Variants in MYH9 observed in about 807,000 individuals in gnomAD.
The protein encoded by MYH9 is myosin heavy chain 9, also known as myosin-9.
Under a neutral mutation model 241.9 loss-of-function variants are expected in MYH9, and 29 were observed. That is an observed-to-expected ratio of 0.12 (90% CI 0.09 to 0.16). The LOEUF is 0.16. Ranked by LOEUF, MYH9 falls within the 10% of genes least tolerant of loss-of-function variation. The probability of loss-of-function intolerance (pLI) is 1.00; values close to 1 mark genes in which losing one functional copy is unlikely to be tolerated. For missense variants in MYH9, 1,803 were observed against 2,595.5 expected (o/e 0.69, Z 6.63); for synonymous variants, 1,047 against 1,062.6 (o/e 0.99, Z 0.29).
At chr22:36,383,564 C>T (rs934256753) in intron 1 of MYH9, among the ~76,000 whole-genome samples, 1 of 152,038 alleles carries the variant, frequency 6.6e-6, no homozygotes, top group African/African-American at 2.4e-5. Flanking sequence ...GAAAGAACAC[C>T]GAGCTAGAAG....
At chr22:36,354,956 A>AACACACACACACAC (rs136203) in intron 1 of MYH9, among the ~76,000 whole-genome samples, 11,175 of 123,494 alleles carry the variant, frequency 0.09, 771 homozygotes, top group Middle Eastern at 0.11. Flanking sequence ...CAAAAAACAA[A>AACACACACACACAC]ACACACACAC....
At chr22:36,326,224 C>T (rs1286065160) in intron 5 of MYH9, among the ~76,000 whole-genome samples, 2 of 152,192 alleles carry the variant, frequency 1.3e-5, no homozygotes, top group Non-Finnish European at 2.9e-5. Flanking sequence ...AAGCCTCCAT[C>T]AACTTGAGGA....
intron 14 of MYH9, among the ~76,000 whole-genome samples, chr22:36,311,419 T>C (rs2017061870): frequency 6.6e-6 from 1 of 152,060 alleles, no homozygotes; most frequent in Non-Finnish European, 1.5e-5. Flanking sequence ...CATTTTGGGT[T>C]GTCACAACTA....
intron 3 of MYH9, among the ~76,000 whole-genome samples, chr22:36,328,685 G>T (rs942788011): frequency 1.3e-5 from 2 of 152,238 alleles, no homozygotes; most frequent in African/African-American, 4.8e-5. Context: ...CCAACGCGAC[G>T]TCGCCACGAT....
In MYH9 at chr22:36,285,862, C is replaced by T; in HGVS notation, c.5150+3G>A. Reference sequence around the variant, plus strand: ...CCCAACTCTGCCCCCTCACTCAGCTCACCCTTTGCCGCTGCTGTTGGCGAT... The same window carrying T: ...CCCAACTCTGCCCCCTCACTCAGCTTACCCTTTGCCGCTGCTGTTGGCGAT... On this transcript the variant is annotated splice_donor_region_variant and intron_variant, in intron 36 of 40. Coordinates refer to ENST00000216181, the MANE Select transcript of MYH9 (RefSeq NM_002473.6). This position sits in a 1 kb window ranked among gnomAD's most constrained non-coding sequence, Gnocchi z 7.0. The T allele has an allele frequency of 2.5e-6, 4 of 1,613,810 alleles. No homozygotes were observed. The South Asian group carries it at 4.4e-5, about 18-fold the overall frequency.
chr22:36,383,960 GA>G (rs113872567), intron 1 of MYH9, among the ~76,000 whole-genome samples: 9,978 of 115,004 alleles, frequency 0.087, 388 homozygotes, highest in East Asian at 0.12. Flanking sequence ...ACCCTGTCTC[GA>G]AAAAAAAAAA....
rs1569535485 is a variant in MYH9 at position 36,309,392 on chromosome 22, T to C, written c.1733A>G (p.Asp578Gly). Residue 578 changes from aspartate (D) to glycine (G), a missense_variant, in exon 15 of 41, where the codon GAT (aspartate) becomes GGT (glycine). Asp to Gly is a moderately conservative substitution (Grantham distance 94, BLOSUM62 -1). Transcript: ENST00000216181. ...CATCAGCCACTCGTCAGCTTTGTAA[T>C]CCACCTGGCGGGGTCAGAGAGGCAG... ...FCIIHYAGKV[D>G]YKADEWLMKN... The C allele has an allele frequency of 6.2e-7, 1 of 1,613,962 alleles. No homozygotes were observed. Among genetic ancestry groups the C allele is most frequent in the Non-Finnish European group, 8.5e-7 (1 of 1,179,834 alleles).
chr22:36,360,077 T>C (rs1000576153), intron 1 of MYH9, among the ~76,000 whole-genome samples: 2 of 41,830 alleles, frequency 4.8e-5, no homozygotes, highest in African/African-American at 6.8e-5. Flanking sequence ...CACCACCACC[T>C]AACATCAGAA....
At chr22:36,369,489 C>T (rs749150063) in intron 1 of MYH9, among the ~76,000 whole-genome samples, 1 of 152,212 alleles carries the variant, frequency 6.6e-6, no homozygotes, top group Non-Finnish European at 1.5e-5. Flanking sequence ...TACGAGGGGG[C>T]GGTATCCATT....
chr22:36,294,250 C>G lies in MYH9; in HGVS notation c.3679G>C (p.Gly1227Arg). ...KAKQTLENERGELANEVKVLL... is the reference protein window; with the variant it reads ...KAKQTLENERRELANEVKVLL... Reference sequence around the variant, plus strand: ...ACCTTCACCTCGTTGGCCAGCTCCCCCCGCTCGTTCTCCAGAGTCTGCTTT... The same window carrying G: ...ACCTTCACCTCGTTGGCCAGCTCCCGCCGCTCGTTCTCCAGAGTCTGCTTT... Residue 1227 changes from glycine to arginine, a missense_variant, in exon 28 of 41, where the codon GGG becomes CGG. Physicochemically the swap from Gly to Arg is moderately radical, Grantham distance 125. Coordinates refer to ENST00000216181, the MANE Select transcript of MYH9 (RefSeq NM_002473.6). 6.2e-7 allele frequency: 1 copy of G among 1,614,140 alleles called. No homozygotes were observed. Among genetic ancestry groups the G allele is most frequent in the Non-Finnish European group, 8.5e-7 (1 of 1,180,034 alleles).
intron 1 of MYH9, among the ~76,000 whole-genome samples, chr22:36,370,221 G>A (rs752873933): frequency 6.6e-5 from 10 of 152,166 alleles, no homozygotes; most frequent in Non-Finnish European, 1.3e-4. Flanking sequence ...CCAAGATTAG[G>A]GCAGATGGTC....
Position 36,293,968 on chromosome 22 carries a change from A to G in MYH9, c.3838-105T>C, listed in dbSNP as rs973877461. On this transcript the variant is annotated intron_variant, in intron 28 of 40. Coordinates refer to ENST00000216181, the MANE Select transcript of MYH9 (RefSeq NM_002473.6). This position sits in a 1 kb window ranked among gnomAD's most constrained non-coding sequence, Gnocchi z 5.1. ...CTGGACCTGAGTCACAAGCTGAACC[A>G]TGAGGGTCTGAGGAGCCAGTTTGAG... 4.1e-6 allele frequency: 6 copies of G among 1,467,610 alleles called. No individual in the cohort carries two copies. Among genetic ancestry groups the G allele is most frequent in the East Asian group, 2.4e-5 (1 of 42,522 alleles). The allele number at this position is 1,467,610 out of a possible 1,614,324, so 90.9% of individuals were successfully genotyped here.
At chr22:36,372,676 G>A (rs1046237749) in intron 1 of MYH9, among the ~76,000 whole-genome samples, 4 of 152,156 alleles carry the variant, frequency 2.6e-5, no homozygotes, top group African/African-American at 9.7e-5. Flanking sequence ...GGCTGGAGGG[G>A]AGGACGCAAG....
At chr22:36,291,359 T>C (rs1569534884) in intron 31 of MYH9, among the ~76,000 whole-genome samples, 3 of 152,232 alleles carry the variant, frequency 2.0e-5, no homozygotes, top group Admixed American at 6.5e-5. Context: ...CCTTGGGATC[T>C]TGTTGATCTG....
intron 1 of MYH9, among the ~76,000 whole-genome samples, chr22:36,359,460 A>G (rs1196319070): frequency 6.6e-6 from 1 of 152,256 alleles, no homozygotes; most frequent in Non-Finnish European, 1.5e-5. Flanking sequence ...CGTAAGGGTT[A>G]TAGCCACCTA....
chr22:36,303,927 T>G (rs1032912211), intron 19 of MYH9, 68 bp downstream of exon 19: 1 of 1,585,456 alleles, frequency 6.3e-7, no homozygotes, highest in Non-Finnish European at 8.6e-7. Flanking sequence ...GCCTGCTAAG[T>G]GCCCTTTGGC....
intron 5 of MYH9, among the ~76,000 whole-genome samples, chr22:36,324,119 G>A (rs541764879): frequency 7.9e-5 from 12 of 152,246 alleles, no homozygotes; most frequent in Non-Finnish European, 1.6e-4. Flanking sequence ...GCCTGTGCTC[G>A]CCCTGGCTGG....
chr22:36,285,456 G>T lies in MYH9; in HGVS notation c.5275-127C>A. 12 of 1,317,064 alleles carry T rather than the reference G, an allele frequency of 9.1e-6. No homozygotes were observed. Among genetic ancestry groups the T allele is most frequent in the Non-Finnish European group, 1.3e-5 (12 of 935,054 alleles). 81.6% of individuals were successfully genotyped at this position (1,317,064 alleles called of 1,614,324 possible). On this transcript the variant is annotated intron_variant, in intron 37 of 40. Coordinates refer to ENST00000216181, the MANE Select transcript of MYH9 (RefSeq NM_002473.6). This position sits in a 1 kb window ranked among gnomAD's most constrained non-coding sequence, Gnocchi z 7.0. ...GGGGTCCAGAGTCTTGGGTCTCCCA[G>T]AAAAGGGAAGATTAGAAACTTCTGA...
chr22:36,343,334 G>A (rs1265018134), intron 2 of MYH9, among the ~76,000 whole-genome samples: 1 of 152,040 alleles, frequency 6.6e-6, no homozygotes, highest in Non-Finnish European at 1.5e-5. Context: ...CCAGGAGTTC[G>A]AGACCAGCCT....
Sources: allele counts gnomAD v4.1 joint callset (sites outside exome capture counted in the v4.1 genomes callset), GRCh38; gene constraint gnomAD v4.1.1; non-coding constraint Gnocchi (gnomAD v3.1); transcripts MANE v1.5; gene names NCBI Gene and HGNC (gene_info 2026-07-23, HGNC 2026-07-21).